Variants in ARL14EP observed in about 807,000 individuals in gnomAD.
The protein encoded by ARL14EP is ARF like GTPase 14 effector protein.
ARL14EP carries 12 observed loss-of-function variants against 23.1 expected under a neutral mutation model. The ratio of observed to expected loss-of-function variants is 0.52; its 90% CI spans 0.33 to 0.84. The LOEUF is 0.84. Ranked by LOEUF, ARL14EP falls within the 40% of genes least tolerant of loss-of-function variation. The pLI, the probability that ARL14EP is intolerant of heterozygous loss-of-function variation, is 0.02. For synonymous variants in ARL14EP, 97 were observed against 102.0 expected, an observed-to-expected ratio of 0.95 and a Z score of 0.29; for missense variants, 253 against 307.3, an observed-to-expected ratio of 0.82 and a Z score of 1.32.
rs568939399 is a variant in ARL14EP at position 30,337,338 on chromosome 11, G to A, written c.*543G>A. 2.0e-4 allele frequency: 32 copies of A among 162,746 alleles called. No individual in the cohort carries two copies. In the South Asian group the frequency reaches 2.8e-3, roughly 14 times the overall value. The allele number at this position is 162,746 out of a possible 1,614,324, so 10.1% of individuals were successfully genotyped here. A position where few individuals can be genotyped will look rare whatever the true frequency, so the allele number is the denominator to read the frequency against. On this transcript the variant is annotated 3_prime_UTR_variant, in exon 4 of 4. Transcript: ENST00000282032. ...CTGTGCATCTGTTAATTCAGTTCACGTACAGCAGAGCATGTAGTTATGCTG... is the reference window on the plus strand; with the variant it reads ...CTGTGCATCTGTTAATTCAGTTCACATACAGCAGAGCATGTAGTTATGCTG...
chr11:30,337,185 A>G lies in ARL14EP; in HGVS notation c.*390A>G. On this transcript the variant is annotated 3_prime_UTR_variant, in exon 4 of 4. Transcript: ENST00000282032. The stretch of plus-strand genomic sequence containing the variant: ...AATTTTAGTTAGCACATTGTAACTG[A>G]GTAATTACATGAAGTACAAACCTCT... The G allele has an allele frequency of 4.1e-6, 1 of 246,120 alleles. No homozygotes were observed. Among genetic ancestry groups the G allele is most frequent in the South Asian group, 5.2e-5 (1 of 19,368 alleles). 15.2% of individuals were successfully genotyped at this position (246,120 alleles called of 1,614,324 possible).
chr11:30,323,555 T>A (rs1447189828), intron 1 of ARL14EP, among the ~76,000 whole-genome samples: 3 of 152,212 alleles, frequency 2.0e-5, no homozygotes, highest in Non-Finnish European at 4.4e-5. Flanking sequence ...TTATCTCTGC[T>A]ATTTTTGTTT....
rs370388471 is a variant in ARL14EP at position 30,331,204 on chromosome 11, G to A, written c.256G>A (p.Ala86Thr). Residue 86 changes from alanine (A) to threonine (T), a missense_variant, in exon 2 of 4, where the codon GCC (alanine) becomes ACC (threonine). Ala to Thr is a moderately conservative substitution (Grantham distance 58). Transcript: ENST00000282032. ...CDPFNIHKKL[A>T]KKNLHVIDLD... ...CCCATTTAACATACACAAGAAATTAGCCAAAAAAAATTTGCATGTAATTGA... is the reference window on the plus strand; with the variant it reads ...CCCATTTAACATACACAAGAAATTAACCAAAAAAAATTTGCATGTAATTGA... 3.7e-6 allele frequency: 6 copies of A among 1,613,562 alleles called. No homozygotes were observed. The African/African-American group carries it at 8.0e-5, about 22-fold the overall frequency.
At chr11:30,324,355 C>T (rs1371056417) in intron 1 of ARL14EP, among the ~76,000 whole-genome samples, 2 of 151,942 alleles carry the variant, frequency 1.3e-5, no homozygotes, top group East Asian at 3.9e-4. Context: ...GTTAAATTTC[C>T]TCTAAATGTT....
At chr11:30,330,829 T>C in intron 1 of ARL14EP, 57 bp from the exon 2 acceptor site, 1 of 931,932 alleles carries the variant, frequency 1.1e-6, no homozygotes, top group Non-Finnish European at 1.6e-6. Context: ...AAATGCTTTT[T>C]CAGTTTCCTA....
intron 1 of ARL14EP, chr11:30,328,728 G>A (rs1468302345): frequency 6.6e-6 from 1 of 151,502 alleles, no homozygotes; most frequent in Admixed American, 6.6e-5. Context: ...TGATTTTGCT[G>A]ATTATTGTTT....
intron 1 of ARL14EP, among the ~76,000 whole-genome samples, chr11:30,323,674 T>C (rs2133641951): frequency 6.6e-6 from 1 of 152,302 alleles, no homozygotes; most frequent in African/African-American, 2.4e-5. Context: ...ACTGGACGGA[T>C]CTGGTGGTTT....
Position 30,330,929 on chromosome 11 carries a change from A to G in ARL14EP, c.-20A>G, listed in dbSNP as rs751883424. The G allele has an allele frequency of 1.3e-6, 2 of 1,575,326 alleles. No homozygotes were observed. The highest frequency in any genetic ancestry group is 2.8e-5 in the African/African-American group (2 of 71,642). ...TAAACCTCCAGACAAAATAAAACGG[A>G]AAATTTGCTAGAATCAAGAATGATG... is the stretch of plus-strand genomic sequence containing the variant. On this transcript the variant is annotated 5_prime_UTR_variant, in exon 2 of 4. Coordinates refer to ENST00000282032, the MANE Select transcript of ARL14EP (RefSeq NM_152316.3).
chr11:30,328,352 A>G (rs1206588728), intron 1 of ARL14EP: 1 of 152,044 alleles, frequency 6.6e-6, no homozygotes, highest in East Asian at 1.9e-4. Context: ...AGTCTAGTCT[A>G]GAACTCCTGG....
chr11:30,332,739 G>A, intron 2 of ARL14EP, 127 bp from the exon 3 acceptor site: 1 of 1,210,356 alleles, frequency 8.3e-7, no homozygotes, highest in Non-Finnish European at 1.1e-6. Context: ...CTAAAACCTT[G>A]TTTTCTTTTT....
chr11:30,326,168 C>A (rs1457632483), intron 1 of ARL14EP, among the ~76,000 whole-genome samples: 1 of 152,038 alleles, frequency 6.6e-6, no homozygotes, highest in African/African-American at 2.4e-5. Flanking sequence ...TAGAAGATAT[C>A]AAAACATTTT....
At chr11:30,326,908 A>G (rs1389465763) in intron 1 of ARL14EP, among the ~76,000 whole-genome samples, 2 of 152,204 alleles carry the variant, frequency 1.3e-5, no homozygotes, top group Non-Finnish European at 2.9e-5. Flanking sequence ...AGTTTTTATC[A>G]CAGTTGGCAA....
At chr11:30,329,263 ATTCATG>A (rs1460219310) in intron 1 of ARL14EP, 3 of 152,134 alleles carry the variant, frequency 2.0e-5, no homozygotes, top group Admixed American at 2.0e-4. Flanking sequence ...TTTGAGATTT[ATTCATG>A]TTGATTCACG....
In ARL14EP at chr11:30,332,824, G is replaced by T. The variant is rs373627092; in HGVS notation, c.427-42G>T. On this transcript the variant is annotated intron_variant, in intron 2 of 3. Transcript: ENST00000282032. ...TAAATAAAATGTTAATCTGTTGTCT[G>T]TTGTCAAGATTTGAGTTGATAATTT... The T allele has an allele frequency of 3.1e-6, 5 of 1,605,490 alleles. No homozygotes were observed. In the East Asian group the frequency reaches 9.0e-5, roughly 29 times the overall value.
intron 3 of ARL14EP, 24 bp downstream of exon 3, chr11:30,333,017 A>C (rs374008062): frequency 9.3e-6 from 15 of 1,610,960 alleles, no homozygotes; most frequent in Non-Finnish European, 1.3e-5. Context: ...TACTGAAGAC[A>C]TGTTAACTTG....
At chr11:30,324,737 G>A (rs1947224302) in intron 1 of ARL14EP, among the ~76,000 whole-genome samples, 1 of 152,190 alleles carries the variant, frequency 6.6e-6, no homozygotes, top group Non-Finnish European at 1.5e-5. Flanking sequence ...TTAAAGTAAA[G>A]CTGGATAATT....
chr11:30,330,862 G>A, intron 1 of ARL14EP, 24 bp from the exon 2 acceptor site: 1 of 1,295,500 alleles, frequency 7.7e-7, no homozygotes, highest in South Asian at 1.3e-5. Context: ...GCACAAATTT[G>A]ATTCTCTTTA....
chr11:30,337,104 T>C lies in ARL14EP; in HGVS notation c.*309T>C, dbSNP rs2133656686. 3.1e-6 allele frequency: 1 copy of C among 319,142 alleles called. No individual in the cohort carries two copies. The highest frequency in any genetic ancestry group is 4.7e-5 in the Admixed American group (1 of 21,394). The allele number at this position is 319,142 out of a possible 1,614,324, so 19.8% of individuals were successfully genotyped here. A position where few individuals can be genotyped will look rare whatever the true frequency, so the allele number is the denominator to read the frequency against. On this transcript the variant is annotated 3_prime_UTR_variant, in exon 4 of 4. Transcript: ENST00000282032. ...GATTTAGTTTAAATACCAGTTTCCT[T>C]ACCAGGAAGGAAAGAAAACTGGTAA...
At chr11:30,328,670 A>G (rs978429153) in intron 1 of ARL14EP, 2 of 152,074 alleles carry the variant, frequency 1.3e-5, no homozygotes, top group African/African-American at 4.8e-5. Context: ...AAACACAGAC[A>G]TTTATTCGCC....
Sources: allele counts gnomAD v4.1 joint callset (sites outside exome capture counted in the v4.1 genomes callset), GRCh38; gene constraint gnomAD v4.1.1; transcripts MANE v1.5; gene names NCBI Gene and HGNC (gene_info 2026-07-23, HGNC 2026-07-21).